The following MARCHF4 variants were observed in gnomAD, a reference collection of about 807,000 sequenced individuals.
The protein encoded by MARCHF4 is E3 ubiquitin-protein ligase MARCHF4.
Under a neutral mutation model 43.9 loss-of-function variants are expected in MARCHF4, and 14 were observed. The ratio of observed to expected loss-of-function variants is 0.32; its 90% CI spans 0.21 to 0.50. MARCHF4 has a LOEUF of 0.50. Among genes scored for constraint, MARCHF4 ranks in the 20% least tolerant of loss-of-function variants. The pLI, the probability that MARCHF4 is intolerant of heterozygous loss-of-function variation, is 0.98. For synonymous variants in MARCHF4, 226 were observed against 213.3 expected (o/e 1.06, Z -0.52); for missense variants, 468 against 536.7 (o/e 0.87, Z 1.27).
intron 1 of MARCHF4, among the ~76,000 whole-genome samples, chr2:216,310,422 C>A (rs1160648670): frequency 2.6e-5 from 4 of 152,068 alleles, no homozygotes; most frequent in African/African-American, 9.7e-5. Flanking sequence ...ACACCAAGCC[C>A]AGCTAATTTT....
intron 3 of MARCHF4, among the ~76,000 whole-genome samples, chr2:216,273,705 A>G (rs1224088244): frequency 1.3e-5 from 2 of 152,180 alleles, no homozygotes; most frequent in African/African-American, 4.8e-5. Context: ...AAACTGTAGA[A>G]TGCCTCAGAT....
intron 1 of MARCHF4, chr2:216,351,269 G>A (rs551281737): frequency 6.6e-6 from 1 of 152,648 alleles, no homozygotes; most frequent in South Asian, 2.1e-4. Flanking sequence ...GAACATCTTG[G>A]ATATTTGAAG....
intron 1 of MARCHF4, among the ~76,000 whole-genome samples, chr2:216,363,828 T>A (rs1692625759): frequency 6.6e-6 from 1 of 152,222 alleles, no homozygotes; most frequent in South Asian, 2.1e-4. Context: ...CTCCAATCTT[T>A]GCTGAAGATA....
intron 1 of MARCHF4, among the ~76,000 whole-genome samples, chr2:216,360,241 T>C (rs1391242039): frequency 6.6e-6 from 1 of 152,212 alleles, no homozygotes; most frequent in Non-Finnish European, 1.5e-5. Context: ...TTTTGATGTA[T>C]TCATGTACCA....
chr2:216,282,588 T>C (rs1691147263), intron 2 of MARCHF4, among the ~76,000 whole-genome samples: 1 of 152,206 alleles, frequency 6.6e-6, no homozygotes, highest in Admixed American at 6.5e-5. Flanking sequence ...ATCATGGATA[T>C]GTGGAGGTAT....
At chr2:216,265,830 GA>G (rs1301419086) in intron 3 of MARCHF4, 1 of 152,138 alleles carries the variant, frequency 6.6e-6, no homozygotes, top group Non-Finnish European at 1.5e-5. Context: ...ATCACCCAAA[GA>G]GCTTGTTAAG....
At chr2:216,368,714 A>T (rs1179463531) in intron 1 of MARCHF4, among the ~76,000 whole-genome samples, 3 of 152,230 alleles carry the variant, frequency 2.0e-5, no homozygotes, top group African/African-American at 7.2e-5. Context: ...GAAGTGGCTG[A>T]TAGGAACACA....
intron 1 of MARCHF4, among the ~76,000 whole-genome samples, chr2:216,346,925 C>T (rs1473929934): frequency 6.6e-6 from 1 of 152,018 alleles, no homozygotes. Flanking sequence ...GGGGGATTTC[C>T]CCTTTGGTGC....
In MARCHF4 at chr2:216,370,177, G is replaced by T. The variant is rs1692736454; in HGVS notation, c.84C>A (p.Ala28=). 1 of 1,612,482 alleles carries T rather than the reference G, an allele frequency of 6.2e-7. No homozygotes were observed. Among genetic ancestry groups the T allele is most frequent in the East Asian group, 2.2e-5 (1 of 44,834 alleles). Residue 28 remains alanine (A), a synonymous_variant, in exon 1 of 4, where the codon GCC becomes GCA. Transcript: ENST00000273067. ...GWYCYGLCAP[A]PQMLRHQGLL... ...GACCCTGGTGGCGCAACATCTGGGG[G>T]GCTGGGGCACACAATCCATAGCAGT...
At chr2:216,271,643 C>T (rs2105934951) in intron 3 of MARCHF4, among the ~76,000 whole-genome samples, 1 of 152,310 alleles carries the variant, frequency 6.6e-6, no homozygotes, top group Non-Finnish European at 1.5e-5. Flanking sequence ...TTCCTGGGCT[C>T]ACACTCATTC....
chr2:216,316,452 A>G (rs1353459626), intron 1 of MARCHF4, among the ~76,000 whole-genome samples: 9 of 152,192 alleles, frequency 5.9e-5, no homozygotes, highest in Non-Finnish European at 1.5e-5. Context: ...TCTCTGATTC[A>G]AGGAAAGAGA....
chr2:216,263,955 T>A (rs1236458042), intron 3 of MARCHF4, among the ~76,000 whole-genome samples: 1 of 151,802 alleles, frequency 6.6e-6, no homozygotes, highest in Non-Finnish European at 1.5e-5. Context: ...TGATGGTGGG[T>A]GAGATGATCA....
At position 216,258,020 on chromosome 2, in the gene MARCHF4, CTT is replaced by C. The variant is rs1243491968; in HGVS notation, c.*1290_*1291del. 1.3e-5 allele frequency: 2 copies of C among 152,154 alleles called. No individual in the cohort carries two copies. Among genetic ancestry groups the C allele is most frequent in the East Asian group, 3.9e-4 (2 of 5,186 alleles). The allele number at this position is 152,154 out of a possible 1,614,324, so 9.4% of individuals were successfully genotyped here. A position where few individuals can be genotyped will look rare whatever the true frequency, so the allele number is the denominator to read the frequency against. On this transcript the variant is annotated 3_prime_UTR_variant, in exon 4 of 4. Transcript: ENST00000273067. ...ACCACTGTGCAGTGACAACCAGAAA[CTT>C]TGCAGGTGAACACCCAGTGGCCTTC...
intron 1 of MARCHF4, among the ~76,000 whole-genome samples, chr2:216,340,002 C>G (rs753029721): frequency 1.6e-4 from 25 of 152,200 alleles, no homozygotes; most frequent in African/African-American, 2.2e-4. Flanking sequence ...GCACCCACCC[C>G]CTTTCCCTCA....
Position 216,354,342 on chromosome 2 carries a change from C to A in MARCHF4, c.516+15403G>T, listed in dbSNP as rs899142314. Among the ~76,000 whole-genome samples, 3 of 152,196 alleles carry A rather than the reference C, an allele frequency of 2.0e-5. No individual in the cohort carries two copies. The East Asian group carries it at 5.8e-4, about 29-fold the overall frequency. On this transcript the variant is annotated intron_variant, in intron 1 of 3. Transcript: ENST00000273067. Reference sequence around the variant, plus strand: ...GGCATACATTTCCACATGGAGAATTCTCTTAACTGCCTTGACTCCACCTAC... The same window carrying A: ...GGCATACATTTCCACATGGAGAATTATCTTAACTGCCTTGACTCCACCTAC...
At chr2:216,326,816 T>TGGAGGGAGG (rs2105967408) in intron 1 of MARCHF4, among the ~76,000 whole-genome samples, 1 of 69,906 alleles carries the variant, frequency 1.4e-5, no homozygotes, top group Non-Finnish European at 2.8e-5. Context: ...TGTTGTGGGG[T>TGGAGGGAGG]GGAGGGAGGG....
At position 216,317,420 on chromosome 2, in the gene MARCHF4, T is replaced by C. The variant is rs539670623; in HGVS notation, c.517-33691A>G. ...CAACATCAGCTTCCTAATCCTTTTT[T>C]GTTTTTTTTTAGAAACAGGGTCTCA... is the stretch of plus-strand genomic sequence containing the variant. On this transcript the variant is annotated intron_variant, in intron 1 of 3. Transcript: ENST00000273067. Among the ~76,000 whole-genome samples the C allele has an allele frequency of 8.0e-3, 794 of 98,996 alleles. 7 individuals are homozygous for C. Among genetic ancestry groups the C allele is most frequent in the African/African-American group, 0.031 (753 of 24,012 alleles). 64.9% of individuals were successfully genotyped at this position (98,996 alleles called of 152,430 possible).
chr2:216,275,007 C>G (rs1045830680), intron 3 of MARCHF4, among the ~76,000 whole-genome samples: 1 of 152,160 alleles, frequency 6.6e-6, no homozygotes, highest in Admixed American at 6.5e-5. Context: ...CTCTCCCATC[C>G]CATAGCTGTC....
chr2:216,286,389 A>T (rs989509813), intron 1 of MARCHF4, among the ~76,000 whole-genome samples: 4 of 152,092 alleles, frequency 2.6e-5, no homozygotes, highest in Non-Finnish European at 4.4e-5. Context: ...AAATATAAAA[A>T]TTAGCTGGCC....
Sources: gnomAD v4.1 joint callset for allele counts (sites outside exome capture counted in the v4.1 genomes callset) on GRCh38, gnomAD v4.1.1 for gene constraint, MANE v1.5 for transcripts, NCBI Gene and HGNC (gene_info 2026-07-23, HGNC 2026-07-21) for gene names.